Variants in PTPRH observed in about 807,000 individuals in gnomAD.
PTPRH encodes protein tyrosine phosphatase receptor type H, also known as receptor-type tyrosine-protein phosphatase H.
A neutral mutation model predicts 130.2 loss-of-function variants in PTPRH; 113 were observed. The ratio of observed to expected loss-of-function variants is 0.87; its 90% CI spans 0.75 to 1.01. PTPRH has a LOEUF of 1.01. Ranked by LOEUF, PTPRH falls within the 50% of genes least tolerant of loss-of-function variation. The pLI, the probability that PTPRH is intolerant of heterozygous loss-of-function variation, is 0.00. For missense variants in PTPRH, 1,430 were observed against 1,425.0 expected (o/e 1.00, Z -0.06); for synonymous variants, 556 against 577.9 (o/e 0.96, Z 0.54).
Position 55,205,540 on chromosome 19 carries a change from G to A in PTPRH, c.405C>T (p.Ile135=), listed in dbSNP as rs760052823. 128 of 1,614,120 alleles carry A rather than the reference G, an allele frequency of 7.9e-5. No individual in the cohort carries two copies. Among genetic ancestry groups the A allele is most frequent in the Non-Finnish European group, 1.0e-4 (118 of 1,180,060 alleles). The change falls in exon 4 of 20, where the codon ATC becomes ATT. Residue 135 remains isoleucine (I), a synonymous_variant. Coordinates refer to ENST00000376350, the MANE Select transcript of PTPRH (RefSeq NM_002842.5). The stretch of plus-strand genomic sequence containing the variant: ...CGTCGGGGACCTCCCAGGTCAGGGC[G>A]ATGGAGCTGTTGGTCTGAGCCTCCA... ...LRVEAQTNSS[I]ALTWEVPDGP...
In PTPRH at chr19:55,196,558, C is replaced by A. The variant is rs147064563; in HGVS notation, c.2221G>T (p.Val741Leu). Residue 741 changes from valine (V) to leucine (L), a missense_variant, in exon 10 of 20, where the codon GTG becomes TTG. Val to Leu is a conservative substitution (Grantham distance 32, BLOSUM62 1). Coordinates refer to ENST00000376350, the MANE Select transcript of PTPRH (RefSeq NM_002842.5). ...GTGTGGCAGACCACAGAGTGAGACACGACCTTCATTCCGTCCCAGATGGTC... is the reference window on the plus strand; with the variant it reads ...GTGTGGCAGACCACAGAGTGAGACAAGACCTTCATTCCGTCCCAGATGGTC... ...ITTIWDGMKVVSHSVVCHTES... is the reference protein window; with the variant it reads ...ITTIWDGMKVLSHSVVCHTES... The A allele has an allele frequency of 6.2e-7, 1 of 1,613,234 alleles. No homozygotes were observed. The highest frequency in any genetic ancestry group is 8.5e-7 in the Non-Finnish European group (1 of 1,179,952).
At position 55,203,057 on chromosome 19, in the gene PTPRH, G is replaced by C. The variant is rs188372854; in HGVS notation, c.886+725C>G. Reference sequence around the variant, plus strand: ...CCAAAAAAAAAAAAGGGCTGGGCACGGTGGCTCACGCCTGTAATCCCAGCA... The same window carrying C: ...CCAAAAAAAAAAAAGGGCTGGGCACCGTGGCTCACGCCTGTAATCCCAGCA... On this transcript the variant is annotated intron_variant, in intron 5 of 19. Coordinates refer to ENST00000376350, the MANE Select transcript of PTPRH (RefSeq NM_002842.5). 3.1e-4 allele frequency among the ~76,000 whole-genome samples: 46 copies of C among 148,632 alleles called. No homozygotes were observed. In the East Asian group the frequency reaches 9.5e-3, roughly 31 times the overall value.
Position 55,203,770 on chromosome 19 carries a change from G to T in PTPRH, c.886+12C>A. 1 of 1,589,964 alleles carries T rather than the reference G, an allele frequency of 6.3e-7. No individual in the cohort carries two copies. Among genetic ancestry groups the T allele is most frequent in the African/African-American group, 1.3e-5 (1 of 74,326 alleles). On this transcript the variant is annotated intron_variant, in intron 5 of 19. Coordinates refer to ENST00000376350, the MANE Select transcript of PTPRH (RefSeq NM_002842.5). The stretch of plus-strand genomic sequence containing the variant: ...TAAAAGAAATAAAAATAAAACAGCG[G>T]CTGCCTCTTACCTGTGGCACTAGTG...
In PTPRH at chr19:55,197,188, A is replaced by C. The variant is rs2086711250; in HGVS notation, c.1919T>G (p.Leu640Trp). The change falls in exon 9 of 20, where the codon TTG becomes TGG. Residue 640 changes from leucine (L) to tryptophan (W), a missense_variant. Leu to Trp is a moderately conservative substitution (Grantham distance 61). Coordinates refer to ENST00000376350, the MANE Select transcript of PTPRH (RefSeq NM_002842.5). The part of the protein sequence containing the change: ...YKVEALEPGT[L>W]YNFTVWAERN... Reference sequence around the variant, plus strand: ...CTCTGCCCACACGGTGAAATTGTACAACGTCCCGGGTTCCAGGGCCTCCAC... The same window carrying C: ...CTCTGCCCACACGGTGAAATTGTACCACGTCCCGGGTTCCAGGGCCTCCAC... The C allele has an allele frequency of 6.2e-7, 1 of 1,614,094 alleles. No homozygotes were observed. Among genetic ancestry groups the C allele is most frequent in the Non-Finnish European group, 8.5e-7 (1 of 1,180,038 alleles).
At chr19:55,206,493 A>AT (rs58733303) in intron 3 of PTPRH, among the ~76,000 whole-genome samples, 196 bp downstream of exon 3, 30,142 of 150,862 alleles carry the variant, frequency 0.2, 3,125 homozygotes, top group South Asian at 0.27. Flanking sequence ...CTACTTTTTA[A>AT]TTTTTTTGTA....
At chr19:55,189,370 C>A (rs1414355195) in intron 12 of PTPRH, among the ~76,000 whole-genome samples, 1 of 152,194 alleles carries the variant, frequency 6.6e-6, no homozygotes, top group Non-Finnish European at 1.5e-5. Flanking sequence ...TATTCAAAAT[C>A]TCCCAAGAAC....
intron 16 of PTPRH, 46 bp from the exon 17 acceptor site, chr19:55,186,030 G>A (rs757343412): frequency 1.2e-6 from 2 of 1,613,136 alleles, no homozygotes; most frequent in South Asian, 1.1e-5. Flanking sequence ...TCTTACCCAG[G>A]TCTGTGGGGT....
At position 55,188,571 on chromosome 19, in the gene PTPRH, T is replaced by A. The variant is rs1012824202; in HGVS notation, c.2385-403A>T. Among the ~76,000 whole-genome samples the A allele has an allele frequency of 1.3e-3, 204 of 152,328 alleles. 1 individual carries two copies. Among genetic ancestry groups the A allele is most frequent in the African/African-American group, 4.7e-3 (197 of 41,580 alleles). On this transcript the variant is annotated intron_variant, in intron 12 of 19. Coordinates refer to ENST00000376350, the MANE Select transcript of PTPRH (RefSeq NM_002842.5). ...AATAATAAACATACTCAGACAGCCC[T>A]ACACTTACACTTCTCATGCAGACCA...
At position 55,202,135 on chromosome 19, in the gene PTPRH, G is replaced by C. The variant is rs768762218; in HGVS notation, c.1074C>G (p.Pro358=). Residue 358 remains proline (P), a synonymous_variant, in exon 6 of 20, where the codon CCC becomes CCG. Coordinates refer to ENST00000376350, the MANE Select transcript of PTPRH (RefSeq NM_002842.5). ...ACACGGAAAACACATACAAACACCCGGGTTCAAGTCTATCCACGGTGATGT... is the reference window on the plus strand; with the variant it reads ...ACACGGAAAACACATACAAACACCCCGGTTCAAGTCTATCCACGGTGATGT... ...HTNITVDRLE[P]GCLYVFSVWV... 6.2e-7 allele frequency: 1 copy of C among 1,614,160 alleles called. No homozygotes were observed. Among genetic ancestry groups the C allele is most frequent in the Non-Finnish European group, 8.5e-7 (1 of 1,180,036 alleles).
intron 16 of PTPRH, 69 bp downstream of exon 16, chr19:55,186,156 G>A: frequency 6.4e-7 from 1 of 1,574,764 alleles, no homozygotes; most frequent in African/African-American, 1.3e-5. Context: ...TGGGTGTGGG[G>A]TCTACATTGG....
chr19:55,198,898 T>C lies in PTPRH; in HGVS notation c.1435A>G (p.Thr479Ala). ...GTCCAGTCCTGCTTGCTGAGGCTTGTCACTGCGTTGGGGACTGGGAGAGGG... is the reference window on the plus strand; with the variant it reads ...GTCCAGTCCTGCTTGCTGAGGCTTGCCACTGCGTTGGGGACTGGGAGAGGG... ...VSISTVPNAV[T>A]SLSKQDWTNS... The change falls in exon 8 of 20, where the codon ACA (threonine) becomes GCA (alanine). Residue 479 changes from threonine (T) to alanine (A), a missense_variant. Transcript: ENST00000376350. 2.6e-6 allele frequency: 4 copies of C among 1,520,926 alleles called. No homozygotes were observed. The highest frequency in any genetic ancestry group is 3.5e-6 in the Non-Finnish European group (4 of 1,131,542). The allele number at this position is 1,520,926 out of a possible 1,614,324, so 94.2% of individuals were successfully genotyped here.
At position 55,203,469 on chromosome 19, in the gene PTPRH, G is replaced by A. The variant is rs141963523; in HGVS notation, c.886+313C>T. Among the ~76,000 whole-genome samples the A allele has an allele frequency of 4.2e-4, 63 of 150,580 alleles. 1 individual carries two copies. The East Asian group carries it at 0.012, about 29-fold the overall frequency. ...TTCTCTCTGTTGCCCAGGCTGGAGT[G>A]CAGCAGTCCAATCAGAGCTCACTGC... On this transcript the variant is annotated intron_variant, in intron 5 of 19. Transcript: ENST00000376350.
In PTPRH at chr19:55,198,678, A is replaced by G; in HGVS notation, c.1655T>C (p.Val552Ala). ...HLTVWAERNE[V>A]RGYNSTLTAA... ...AGTGAGGGTGCTGTTATAGCCTCTG[A>G]CCTCATTCCTCTCGGCCCAGACGGT... The change falls in exon 8 of 20, where the codon GTC becomes GCC. Residue 552 changes from valine (V) to alanine (A), a missense_variant. Val to Ala is a moderately conservative substitution (Grantham distance 64). Transcript: ENST00000376350. The G allele has an allele frequency of 1.2e-6, 2 of 1,613,342 alleles. No homozygotes were observed. The highest frequency in any genetic ancestry group is 1.7e-6 in the Non-Finnish European group (2 of 1,179,632).
At position 55,202,303 on chromosome 19, in the gene PTPRH, G is replaced by A. The variant is rs769100853; in HGVS notation, c.906C>T (p.Asn302=). The part of the protein sequence containing the change: ...TSATAPNPVR[N]LTVEAQTNSS... ...TGTTGGTCTGAGCCTCCACTGTCAG[G>A]TTTCTCACTGGGTTGGGAGCTGAAA... The change falls in exon 6 of 20, where the codon AAC becomes AAT. Residue 302 remains asparagine (N), a synonymous_variant. Coordinates refer to ENST00000376350, the MANE Select transcript of PTPRH (RefSeq NM_002842.5). 2 of 1,614,176 alleles carry A rather than the reference G, an allele frequency of 1.2e-6. No individual in the cohort carries two copies. The highest frequency in any genetic ancestry group is 4.5e-5 in the East Asian group (2 of 44,872).
intron 3 of PTPRH, 141 bp from the exon 4 acceptor site, chr19:55,205,733 C>A: frequency 7.8e-7 from 1 of 1,286,848 alleles, no homozygotes; most frequent in Non-Finnish European, 1.1e-6. Context: ...ACGAGTTCCA[C>A]GTGAGTGTTG....
intron 18 of PTPRH, among the ~76,000 whole-genome samples, chr19:55,184,363 T>G (rs116835671): frequency 0.017 from 2,622 of 152,118 alleles, 81 homozygotes; most frequent in African/African-American, 0.059. Context: ...GAGACTGTCA[T>G]GAGGAGCAGT....
Position 55,185,887 on chromosome 19 carries a change from G to A in PTPRH, c.2876C>T (p.Thr959Met), listed in dbSNP as rs142596778. ...CTGGAGGAGCAGCAGTTCCCGCACC[G>A]TCCAGTTCTCCATCACTTCCTCACC... ...LVGEEVMENW[T>M]VRELLLLQVE... Residue 959 changes from threonine to methionine, a missense_variant, in exon 17 of 20, where the codon ACG becomes ATG. Physicochemically the swap from Thr to Met is moderately conservative, Grantham distance 81. Transcript: ENST00000376350. 818 of 1,614,150 alleles carry A rather than the reference G, an allele frequency of 5.1e-4. 1 individual carries two copies. The highest frequency in any genetic ancestry group is 6.2e-4 in the Non-Finnish European group (732 of 1,180,026).
chr19:55,189,282 G>A (rs969387509), intron 12 of PTPRH, among the ~76,000 whole-genome samples: 1 of 152,148 alleles, frequency 6.6e-6, no homozygotes, highest in African/African-American at 2.4e-5. Context: ...CACCACGCCT[G>A]GCCTCTTGTC....
intron 18 of PTPRH, among the ~76,000 whole-genome samples, chr19:55,185,183 CA>C (rs1287450998): frequency 2.6e-5 from 4 of 151,918 alleles, no homozygotes; most frequent in Non-Finnish European, 5.9e-5. Flanking sequence ...TTAGTAGAGA[CA>C]AGGTTTGTAT....
Sources: allele counts gnomAD v4.1 joint callset (sites outside exome capture counted in the v4.1 genomes callset), GRCh38; gene constraint gnomAD v4.1.1; transcripts MANE v1.5; gene names NCBI Gene and HGNC (gene_info 2026-07-23, HGNC 2026-07-21).